The following CD63 variants were observed in gnomAD, a reference collection of about 807,000 sequenced individuals.
The protein encoded by CD63 is CD63 antigen.
Under a neutral mutation model 29.2 loss-of-function variants are expected in CD63, and 16 were observed. That is an observed-to-expected ratio of 0.55 (90% CI 0.37 to 0.83). The LOEUF (loss-of-function observed/expected upper bound fraction) is 0.83, where lower values mean the gene tolerates loss of function less well. CD63 is among the 40% of genes least tolerant of loss of function. CD63 has a pLI of 0.00. For synonymous variants in CD63, 118 were observed against 111.7 expected, an observed-to-expected ratio of 1.06 and a Z score of -0.36; for missense variants, 251 against 297.3, an observed-to-expected ratio of 0.84 and a Z score of 1.15.
In CD63 at chr12:55,725,793, T is replaced by C. The variant is rs975950476; in HGVS notation, c.651+20A>G. The C allele has an allele frequency of 1.2e-6, 2 of 1,611,522 alleles. No individual in the cohort carries two copies. Among genetic ancestry groups the C allele is most frequent in the Non-Finnish European group, 1.7e-6 (2 of 1,177,622 alleles). Reference sequence around the variant, plus strand: ...GCACCCTGGACAGAGTCCCAGCCCCTGCTCAGGGTTATCTCTTACCTCGAC... The same window carrying C: ...GCACCCTGGACAGAGTCCCAGCCCCCGCTCAGGGTTATCTCTTACCTCGAC... On this transcript the variant is annotated intron_variant, in intron 7 of 7. Coordinates refer to ENST00000257857, the MANE Select transcript of CD63 (RefSeq NM_001780.6).
Position 55,725,855 on chromosome 12 carries a change from C to T in CD63, c.609G>A (p.Val203=). The T allele has an allele frequency of 6.2e-7, 1 of 1,614,128 alleles. No individual in the cohort carries two copies. Among genetic ancestry groups the T allele is most frequent in the Non-Finnish European group, 8.5e-7 (1 of 1,180,018 alleles). ...CAAGGGCTGCTGCAGCTACCACCAGCACATTTTTCCTCAGCCAGCCCCCAA... is the reference window on the plus strand; with the variant it reads ...CAAGGGCTGCTGCAGCTACCACCAGTACATTTTTCCTCAGCCAGCCCCCAA... ...EKIGGWLRKN[V]LVVAAAALGI... is the part of the protein sequence containing the mutation. Residue 203 remains valine, a synonymous_variant, in exon 7 of 8, where the codon GTG becomes GTA. Coordinates refer to ENST00000257857, the MANE Select transcript of CD63 (RefSeq NM_001780.6).
At chr12:55,724,682 T>C, downstream of CD63, 1 of 878,082 alleles carries the variant, frequency 1.1e-6, no homozygotes. Context: ...AAAAAGAAGG[T>C]GGGCAGAAAT....
upstream of CD63, chr12:55,729,011 G>A: frequency 3.0e-6 from 3 of 985,312 alleles, no homozygotes; most frequent in South Asian, 1.4e-4. Context: ...GGGCTCTCTA[G>A]CTGCGCCCCC....
chr12:55,724,584 G>A, downstream of CD63: 2 of 1,581,002 alleles, frequency 1.3e-6, no homozygotes, highest in South Asian at 1.1e-5. Flanking sequence ...TCAAGGACAA[G>A]GACTTTGATT....
intron 5 of CD63, 166 bp from the exon 6 acceptor site, chr12:55,726,427 C>G: frequency 1.5e-6 from 1 of 674,928 alleles, no homozygotes; most frequent in Non-Finnish European, 2.4e-6. Flanking sequence ...TCACTGCAAC[C>G]TCCGCCTCCC....
chr12:55,729,247 C>T (rs1877751534), upstream of CD63: 1 of 680,640 alleles, frequency 1.5e-6, no homozygotes, highest in African/African-American at 1.9e-5. Flanking sequence ...AGGGCAAGAC[C>T]TCGGGGCGCC....
chr12:55,724,160 G>A (rs538878371), downstream of CD63: 2 of 1,477,638 alleles, frequency 1.4e-6, no homozygotes, highest in Admixed American at 1.9e-5. Flanking sequence ...AGGGTTGAGG[G>A]TGAACAGGAT....
At chr12:55,723,876 C>G (rs748927453), downstream of CD63, 14 of 1,613,220 alleles carry the variant, frequency 8.7e-6, no homozygotes, top group South Asian at 1.5e-4. Flanking sequence ...TCGCTCTGCC[C>G]CGACTCTAGG....
At chr12:55,723,633 A>G (rs1445130500), downstream of CD63, 6 of 508,758 alleles carry the variant, frequency 1.2e-5, no homozygotes, top group East Asian at 1.8e-4. Flanking sequence ...TTGGCCTGCC[A>G]TGCTTAAAAT....
In CD63 at chr12:55,727,138, GC is replaced by G. The variant is rs748271186; in HGVS notation, c.255+12del. 2.2e-5 allele frequency: 35 copies of G among 1,604,630 alleles called. No homozygotes were observed. The Admixed American group carries it at 4.2e-4, about 19-fold the overall frequency. ...GTCCCAGACCGCCCATGTTGGTCCC[GC>G]CCCCAACTCACCGTGATCATAAGAC... is the stretch of plus-strand genomic sequence containing the variant. On this transcript the variant is annotated intron_variant, in intron 3 of 7. Transcript: ENST00000257857.
chr12:55,723,875 C>T (rs544466160), downstream of CD63: 1 of 1,613,180 alleles, frequency 6.2e-7, no homozygotes, highest in African/African-American at 1.3e-5. Context: ...TTCGCTCTGC[C>T]CCGACTCTAG....
chr12:55,727,438 T>A (rs2136152466), intron 2 of CD63, 99 bp from the exon 3 acceptor site: 1 of 1,294,570 alleles, frequency 7.7e-7, no homozygotes, highest in Non-Finnish European at 1.1e-6. Context: ...CTTGACCCCA[T>A]CCGGAAGAGA....
downstream of CD63, chr12:55,724,211 C>T: frequency 6.9e-7 from 1 of 1,459,190 alleles, no homozygotes; most frequent in South Asian, 1.2e-5. Flanking sequence ...TGCCCACTCC[C>T]CACACTGAGG....
Position 55,726,729 on chromosome 12 carries a change from C to G in CD63, c.397G>C (p.Ala133Pro). The change falls in exon 5 of 8, where the codon GCT (alanine) becomes CCT (proline). Residue 133 changes from alanine (A) to proline (P), a missense_variant. Physicochemically the swap from Ala to Pro is conservative, Grantham distance 27. Coordinates refer to ENST00000257857, the MANE Select transcript of CD63 (RefSeq NM_001780.6). ...GCCTGCATCCTGTCCAGGATCGAAG[C>G]AGTGTGGTTGTTTTTCGGGTAATTC... ...MENYPKNNHTASILDRMQADF... is the reference protein window; with the variant it reads ...MENYPKNNHTPSILDRMQADF... 1.2e-6 allele frequency: 2 copies of G among 1,614,074 alleles called. No individual in the cohort carries two copies. Among genetic ancestry groups the G allele is most frequent in the South Asian group, 2.2e-5 (2 of 91,078 alleles).
Position 55,725,877 on chromosome 12 carries a change from C to A in CD63, c.587G>T (p.Gly196Val), listed in dbSNP as rs377261058. The A allele has an allele frequency of 3.7e-6, 6 of 1,613,996 alleles. No homozygotes were observed. The African/African-American group carries it at 8.0e-5, about 22-fold the overall frequency. ...CAGCACATTTTTCCTCAGCCAGCCC[C>A]CAATCTTCTCCACACAGCCCTGAAG... ...IHKEGCVEKI[G>V]GWLRKNVLVV... The change falls in exon 7 of 8, where the codon GGG (glycine) becomes GTG (valine). Residue 196 changes from glycine (G) to valine (V), a missense_variant. Physicochemically the swap from Gly to Val is moderately radical, Grantham distance 109. Coordinates refer to ENST00000257857, the MANE Select transcript of CD63 (RefSeq NM_001780.6).
chr12:55,728,921 C>T lies in CD63; in HGVS notation c.-12+32G>A. 1.0e-6 allele frequency: 1 copy of T among 985,592 alleles called. No individual in the cohort carries two copies. The highest frequency in any genetic ancestry group is 1.2e-6 in the Non-Finnish European group (1 of 830,008). The allele number at this position is 985,592 out of a possible 1,614,324, so 61.1% of individuals were successfully genotyped here. A position where few individuals can be genotyped will look rare whatever the true frequency, so the allele number is the denominator to read the frequency against. ...ACTGCGGGTGGTCTCTCCCAGCCCG[C>T]GCCGAAGTCCGCCGGGTCCCCGCGG... On this transcript the variant is annotated intron_variant, in intron 1 of 7. Coordinates refer to ENST00000257857, the MANE Select transcript of CD63 (RefSeq NM_001780.6). This position sits in a 1 kb window ranked among gnomAD's most constrained non-coding sequence, Gnocchi z 4.8.
In CD63 at chr12:55,726,786, C is replaced by T. The variant is rs1251514843; in HGVS notation, c.340G>A (p.Glu114Lys). ...GYVFRDKVMS[E>K]FNNNFRQQME... ...TGCTGCCGGAAGTTGTTATTAAACT[C>T]TGACATCACCTGAGAGTACGGAGGA... is the stretch of plus-strand genomic sequence containing the variant. Residue 114 changes from glutamate (E) to lysine (K), a missense_variant, in exon 5 of 8, where the codon GAG becomes AAG. Physicochemically the swap from Glu to Lys is moderately conservative, Grantham distance 56. Transcript: ENST00000257857. The T allele has an allele frequency of 6.2e-7, 1 of 1,613,596 alleles. No homozygotes were observed. Among genetic ancestry groups the T allele is most frequent in the African/African-American group, 1.3e-5 (1 of 74,912 alleles).
At chr12:55,723,607 T>C, downstream of CD63, 2 of 443,908 alleles carry the variant, frequency 4.5e-6, no homozygotes, top group Non-Finnish European at 8.3e-6. Flanking sequence ...CCTGATAATA[T>C]CATTAATTTT....
rs763637330 is a variant in CD63, at chr12:55,726,905, A to C, written c.315T>G (p.Tyr105Ter). ...CCCTGCTTACCTTATCTCTAAACACATAGCCAGCAATGGCTGCGGCCACCT... is the reference window on the plus strand; with the variant it reads ...CCCTGCTTACCTTATCTCTAAACACCTAGCCAGCAATGGCTGCGGCCACCT... ...LVEVAAAIAG[Y>*]VFRDKVMSEF... Residue 105 changes from tyrosine (Y) to a stop codon, truncating the protein, a stop_gained, in exon 4 of 8, where the codon TAT becomes TAG. Transcript: ENST00000257857. LOFTEE classifies it high-confidence loss of function. 11 of 1,614,098 alleles carry C rather than the reference A, an allele frequency of 6.8e-6. No homozygotes were observed. Among genetic ancestry groups the C allele is most frequent in the Non-Finnish European group, 7.6e-6 (9 of 1,179,964 alleles).
Sources: allele counts gnomAD v4.1 joint callset, GRCh38; gene constraint gnomAD v4.1.1; non-coding constraint Gnocchi (gnomAD v3.1); transcripts MANE v1.5; gene names NCBI Gene and HGNC (gene_info 2026-07-23, HGNC 2026-07-21).